Variants in PRDM1 observed in about 807,000 individuals in gnomAD.
PRDM1 encodes PR domain zinc finger protein 1.
A neutral mutation model predicts 62.8 loss-of-function variants in PRDM1; 13 were observed. That is an observed-to-expected ratio of 0.21 (90% CI 0.13 to 0.33). The LOEUF is 0.33. PRDM1 is among the 10% of genes least tolerant of loss of function. The pLI is 1.00. For synonymous variants in PRDM1, 396 were observed against 417.6 expected, an observed-to-expected ratio of 0.95 and a Z score of 0.63; for missense variants, 895 against 1,058.8, an observed-to-expected ratio of 0.85 and a Z score of 2.15.
intron 1 of PRDM1, 32 bp from the exon 2 acceptor site, chr6:106,088,169 T>TG: frequency 6.4e-7 from 1 of 1,556,042 alleles, no homozygotes; most frequent in Non-Finnish European, 8.7e-7. Flanking sequence ...GGCGGGACAA[T>TG]GGGGATTAAA....
chr6:106,016,507 G>A (rs1054089864), intron 1 of PRDM1, among the ~76,000 whole-genome samples: 1 of 152,084 alleles, frequency 6.6e-6, no homozygotes, highest in African/African-American at 2.4e-5. Context: ...TTTAATAAAT[G>A]TCTGTCAAAT....
chr6:106,076,497 T>G (rs968233783), intron 1 of PRDM1, among the ~76,000 whole-genome samples: 1 of 152,186 alleles, frequency 6.6e-6, no homozygotes, highest in African/African-American at 2.4e-5. Flanking sequence ...TTAAAAAACA[T>G]GTAAGCTGTT....
At chr6:106,074,514 T>C (rs1392247737) in intron 1 of PRDM1, among the ~76,000 whole-genome samples, 4 of 152,242 alleles carry the variant, frequency 2.6e-5, no homozygotes, top group Non-Finnish European at 5.9e-5. Flanking sequence ...ATTACGTAAC[T>C]TAATTAAATA....
upstream of PRDM1, among the ~76,000 whole-genome samples, chr6:106,044,744 A>C (rs1773047812): frequency 6.6e-6 from 1 of 152,222 alleles, no homozygotes; most frequent in South Asian, 2.1e-4. Flanking sequence ...GAATTAAGTC[A>C]GGTTCCTTCT....
chr6:106,015,969 A>C (rs1772614054), intron 1 of PRDM1, among the ~76,000 whole-genome samples: 1 of 152,180 alleles, frequency 6.6e-6, no homozygotes, highest in Admixed American at 6.5e-5. Flanking sequence ...TAAAAGCTCT[A>C]CTGATTCAAC....
In PRDM1 at chr6:106,088,335, A is replaced by G. The variant is rs150589703; in HGVS notation, c.177A>G (p.Thr59=). 1.2e-6 allele frequency: 2 copies of G among 1,614,038 alleles called. No individual in the cohort carries two copies. Among genetic ancestry groups the G allele is most frequent in the African/African-American group, 2.7e-5 (2 of 74,898 alleles). ...WTEAEFEEKC[T]YIVNDHPWDS... is the part of the protein sequence containing the mutation. The stretch of plus-strand genomic sequence containing the variant: ...AGGCTGAGTTTGAAGAGAAGTGTAC[A>G]TACATTGTGAACGACCACCCCTGGG... The change falls in exon 2 of 7, where the codon ACA becomes ACG. Residue 59 remains threonine (T), a synonymous_variant. Transcript: ENST00000369096.
intron 1 of PRDM1, among the ~76,000 whole-genome samples, chr6:105,996,846 A>G (rs1230192459): frequency 2.0e-5 from 3 of 152,312 alleles, no homozygotes; most frequent in South Asian, 2.1e-4. Flanking sequence ...TTCTGACACA[A>G]ATTAAATGTG....
chr6:105,999,342 G>T (rs1356842507), intron 1 of PRDM1, among the ~76,000 whole-genome samples: 1 of 151,946 alleles, frequency 6.6e-6, no homozygotes, highest in African/African-American at 2.4e-5. Context: ...GATCACTTGA[G>T]GCCAGGAGTT....
chr6:106,083,916 G>T (rs542915274), upstream of PRDM1, among the ~76,000 whole-genome samples: 25 of 152,320 alleles, frequency 1.6e-4, 1 homozygote, highest in Admixed American at 8.5e-4. Flanking sequence ...CAGTAAAAAG[G>T]TGCACTGCTC....
At chr6:106,098,237 A>G (rs776648505) in intron 3 of PRDM1, 40 of 985,148 alleles carry the variant, frequency 4.1e-5, no homozygotes, top group Admixed American at 1.2e-4. Context: ...GTATAAGGAA[A>G]TTTCTTAAAG....
rs1345931885 is a variant in PRDM1 at position 106,107,346 on chromosome 6, A to G, written c.2338A>G (p.Met780Val). Residue 780 changes from methionine (M) to valine (V), a missense_variant, in exon 7 of 7, where the codon ATG (methionine) becomes GTG (valine). By Grantham distance (21) the Met-to-Val change is conservative. Coordinates refer to ENST00000369096, the MANE Select transcript of PRDM1 (RefSeq NM_001198.4). ...TGLKVSLQRN[M>V]GNGLLSSGCS... ...CCTGAAAGTGTCTTTGCAAAGAAAC[A>G]TGGGGAATGGACTCCTCTCCTCAGG... The G allele has an allele frequency of 2.5e-6, 4 of 1,614,036 alleles. No homozygotes were observed. Among genetic ancestry groups the G allele is most frequent in the South Asian group, 2.2e-5 (2 of 91,086 alleles).
intron 1 of PRDM1, among the ~76,000 whole-genome samples, chr6:106,054,588 GA>G (rs1337394913): frequency 8.5e-5 from 13 of 152,088 alleles, no homozygotes; most frequent in Non-Finnish European, 1.9e-4. Flanking sequence ...CTTTACAAAT[GA>G]ATTTATGAAA....
At chr6:106,028,398 G>GA (rs1389616026) in intron 1 of PRDM1, among the ~76,000 whole-genome samples, 1 of 152,058 alleles carries the variant, frequency 6.6e-6, no homozygotes, top group Non-Finnish European at 1.5e-5. Flanking sequence ...TGGCCTCTCT[G>GA]AAAAAATACT....
chr6:106,013,978 C>T (rs1772587510), intron 1 of PRDM1, among the ~76,000 whole-genome samples: 1 of 151,900 alleles, frequency 6.6e-6, no homozygotes, highest in Non-Finnish European at 1.5e-5. Flanking sequence ...TAGCTCTTGT[C>T]ACTGTCTAAA....
upstream of PRDM1, among the ~76,000 whole-genome samples, chr6:105,993,445 A>C (rs990481119): frequency 1.3e-5 from 2 of 152,208 alleles, no homozygotes; most frequent in African/African-American, 2.4e-5. Context: ...GACTGATTGT[A>C]GCTGCTTTGA....
intron 1 of PRDM1, among the ~76,000 whole-genome samples, chr6:106,074,750 G>A (rs1428502381): frequency 7.2e-5 from 11 of 152,128 alleles, no homozygotes; most frequent in Admixed American, 1.3e-4. Flanking sequence ...CAAGGCGGGC[G>A]GATCGCTTGA....
chr6:106,107,150 G>A lies in PRDM1; in HGVS notation c.2142G>A (p.Pro714=), dbSNP rs1010273. 0.097 allele frequency: 155,826 copies of A among 1,614,132 alleles called. 8,483 individuals carry two copies. The highest frequency in any genetic ancestry group is 0.22 in the East Asian group (9,896 of 44,878). ...VHLKGNCAAA[P]APGLPLEDLT... ...TGAAAGGGAACTGCGCTGCGGCCCC[G>A]GCGCCTGGGCTGCCCTTGGAAGATC... Residue 714 remains proline (P), a synonymous_variant, in exon 7 of 7, where the codon CCG becomes CCA. Transcript: ENST00000369096.
intron 1 of PRDM1, among the ~76,000 whole-genome samples, chr6:106,007,228 G>A (rs1320441146): frequency 3.3e-5 from 5 of 151,740 alleles, no homozygotes; most frequent in African/African-American, 7.3e-5. Flanking sequence ...TCAGGAGTTC[G>A]AGACTTGCCT....
chr6:106,090,826 AT>A (rs35007893), intron 2 of PRDM1, among the ~76,000 whole-genome samples: 26 of 147,414 alleles, frequency 1.8e-4, no homozygotes, highest in African/African-American at 4.7e-4. Flanking sequence ...ATACCGGGGA[AT>A]TTTTTTTTTA....
Sources: gnomAD v4.1 joint callset for allele counts (sites outside exome capture counted in the v4.1 genomes callset) on GRCh38, gnomAD v4.1.1 for gene constraint, MANE v1.5 for transcripts, NCBI Gene and HGNC (gene_info 2026-07-23, HGNC 2026-07-21) for gene names.